Variants in MYO18A observed in about 807,000 individuals in gnomAD.
The protein encoded by MYO18A is myosin XVIIIA, also known as unconventional myosin-XVIIIa.
In MYO18A, 78 loss-of-function variants were observed where a neutral mutation model predicts 235.8. The observed-to-expected ratio is 0.33, with a 90% confidence interval of 0.28 to 0.40. The LOEUF (loss-of-function observed/expected upper bound fraction) is 0.40, where lower values mean the gene tolerates loss of function less well. MYO18A is among the 10% of genes least tolerant of loss of function. MYO18A has a pLI of 1.00. For synonymous variants in MYO18A, 977 were observed against 1,077.8 expected, an observed-to-expected ratio of 0.91 and a Z score of 1.83; for missense variants, 2,215 against 2,699.3, an observed-to-expected ratio of 0.82 and a Z score of 3.98.
At chr17:29,123,094 CAGG>C (rs2067239164) in intron 2 of MYO18A, among the ~76,000 whole-genome samples, 1 of 152,340 alleles carries the variant, frequency 6.6e-6, no homozygotes, top group African/African-American at 2.4e-5. Context: ...CCAGAGGCCT[CAGG>C]AGGTCACCAA....
chr17:29,120,531 G>C lies in MYO18A; in HGVS notation c.1728+85C>G. The stretch of plus-strand genomic sequence containing the variant: ...TGTTAGGGTAGAATCCCAGGAAAAT[G>C]AGGCATGGGAGAGAGCCTGATGTCT... On this transcript the variant is annotated intron_variant, in intron 7 of 41. Transcript: ENST00000527372. The surrounding 1 kb of genome is among the most constrained non-coding windows in gnomAD (Gnocchi z 4.2). The C allele has an allele frequency of 6.7e-7, 1 of 1,488,692 alleles. No individual in the cohort carries two copies. Among genetic ancestry groups the C allele is most frequent in the Non-Finnish European group, 9.0e-7 (1 of 1,105,886 alleles). The allele number at this position is 1,488,692 out of a possible 1,614,324, so 92.2% of individuals were successfully genotyped here. A position where few individuals can be genotyped will look rare whatever the true frequency, so the allele number is the denominator to read the frequency against.
intron 2 of MYO18A, among the ~76,000 whole-genome samples, chr17:29,146,087 G>A (rs984472061): frequency 2.0e-5 from 3 of 151,904 alleles, no homozygotes; most frequent in South Asian, 2.1e-4. Flanking sequence ...GTGAAACCCC[G>A]TCTCTACTAA....
intron 2 of MYO18A, among the ~76,000 whole-genome samples, chr17:29,142,676 G>A (rs1206962706): frequency 6.6e-6 from 1 of 152,206 alleles, no homozygotes; most frequent in Non-Finnish European, 1.5e-5. Flanking sequence ...TGAGAAGCAC[G>A]GCTTGAAAGG....
intron 12 of MYO18A, 98 bp from the exon 13 acceptor site, chr17:29,115,539 G>A: frequency 6.7e-7 from 1 of 1,488,860 alleles, no homozygotes; most frequent in East Asian, 2.4e-5. Flanking sequence ...ACGGGGCCTG[G>A]GGCAGGGCCT....
rs372527342 is a variant in MYO18A, at chr17:29,165,958, C to A, written c.983G>T (p.Arg328Leu). The change falls in exon 2 of 42, where the codon CGC (arginine) becomes CTC (leucine). Residue 328 changes from arginine to leucine, a missense_variant. By Grantham distance (102) the Arg-to-Leu change is moderately radical (BLOSUM62 -2). Transcript: ENST00000527372. ...AGCACTCACATCGGATGGCTCCCTGCGAGGTCCCTCGCCGCTCCGCAGCCA... is the reference window on the plus strand; with the variant it reads ...AGCACTCACATCGGATGGCTCCCTGAGAGGTCCCTCGCCGCTCCGCAGCCA... ...RSWLRSGEGP[R>L]REPSDAKTEE... 1.6e-5 allele frequency: 25 copies of A among 1,612,498 alleles called. No individual in the cohort carries two copies. The highest frequency in any genetic ancestry group is 6.7e-5 in the East Asian group (3 of 44,872).
chr17:29,143,071 G>T (rs2067775813), intron 2 of MYO18A, among the ~76,000 whole-genome samples: 1 of 152,214 alleles, frequency 6.6e-6, no homozygotes, highest in Non-Finnish European at 1.5e-5. Context: ...GCCTCCCAAA[G>T]TGCTGGGATT....
In MYO18A at chr17:29,120,788, G is replaced by C; in HGVS notation, c.1586-30C>G. On this transcript the variant is annotated intron_variant, in intron 6 of 41. Coordinates refer to ENST00000527372, the MANE Select transcript of MYO18A (RefSeq NM_078471.4). This position sits in a 1 kb window ranked among gnomAD's most constrained non-coding sequence, Gnocchi z 4.2. Reference sequence around the variant, plus strand: ...AGAATACAGGCCCAAGGGGATATCAGGAAAGCCAGGGGCAGCTTATCCCCC... The same window carrying C: ...AGAATACAGGCCCAAGGGGATATCACGAAAGCCAGGGGCAGCTTATCCCCC... The C allele has an allele frequency of 6.2e-7, 1 of 1,601,510 alleles. No homozygotes were observed. Among genetic ancestry groups the C allele is most frequent in the African/African-American group, 1.3e-5 (1 of 74,716 alleles).
intron 31 of MYO18A, 109 bp from the exon 32 acceptor site, chr17:29,093,536 A>G (rs2066450883): frequency 1.4e-5 from 11 of 796,446 alleles, no homozygotes; most frequent in Non-Finnish European, 2.3e-5. Flanking sequence ...GGCAGGCCTG[A>G]GCACAATGAT....
At chr17:29,123,873 C>G (rs1157511928) in intron 2 of MYO18A, among the ~76,000 whole-genome samples, 3 of 152,034 alleles carry the variant, frequency 2.0e-5, no homozygotes, top group Non-Finnish European at 4.4e-5. Flanking sequence ...ACAGTGAAAC[C>G]CTGTCTCCAC....
Position 29,166,673 on chromosome 17 carries a change from C to T in MYO18A, c.268G>A (p.Val90Ile), listed in dbSNP as rs564186500. The T allele has an allele frequency of 6.2e-6, 10 of 1,613,708 alleles. No homozygotes were observed. The African/African-American group carries it at 6.7e-5, about 11-fold the overall frequency. Residue 90 changes from valine to isoleucine, a missense_variant, in exon 2 of 42, where the codon GTC (valine) becomes ATC (isoleucine). Val to Ile is a conservative substitution (Grantham distance 29). Transcript: ENST00000527372. ...DIDSDSNRGSVILDSGHLSTA... is the reference protein window; with the variant it reads ...DIDSDSNRGSIILDSGHLSTA... The stretch of plus-strand genomic sequence containing the variant: ...CTTAGGTGGCCCGAGTCCAGGATGA[C>T]GCTGCCCCGGTTACTATCGGAGTCA...
rs2067704449 is a variant in MYO18A at position 29,140,251 on chromosome 17, A to C, written c.1000-17998T>G. ...ACCTACTTCAGCCACATCTGGGGAA[A>C]TCACAAAAAGGTCCCTCCTTTCCTA... On this transcript the variant is annotated intron_variant, in intron 2 of 41. Coordinates refer to ENST00000527372, the MANE Select transcript of MYO18A (RefSeq NM_078471.4). The surrounding 1 kb of genome is among the most constrained non-coding windows in gnomAD (Gnocchi z 4.2). 2.0e-6 allele frequency: 2 copies of C among 982,874 alleles called. No homozygotes were observed. Among genetic ancestry groups the C allele is most frequent in the Non-Finnish European group, 2.6e-6 (2 of 765,188 alleles). The allele number at this position is 982,874 out of a possible 1,614,324, so 60.9% of individuals were successfully genotyped here. A position where few individuals can be genotyped will look rare whatever the true frequency, so the allele number is the denominator to read the frequency against.
At chr17:29,174,073 T>G (rs1041981016) in intron 1 of MYO18A, among the ~76,000 whole-genome samples, 2 of 152,120 alleles carry the variant, frequency 1.3e-5, no homozygotes, top group African/African-American at 4.8e-5. Flanking sequence ...GCACCTGGCA[T>G]ATGAAAATAT....
At chr17:29,119,553 A>AT (rs11349517) in intron 7 of MYO18A, 118 bp from the exon 8 acceptor site, 23,115 of 430,548 alleles carry the variant, frequency 0.054, 200 homozygotes, top group African/African-American at 0.096. Context: ...AAGCAGCTGC[A>AT]TTTTTTTTTT....
At chr17:29,082,227 A>C in intron 41 of MYO18A, 89 bp downstream of exon 41, 1 of 1,534,272 alleles carries the variant, frequency 6.5e-7, no homozygotes, top group South Asian at 1.2e-5. Context: ...CAAGAGACAC[A>C]GGCCTGCCCT....
chr17:29,177,631 GAACTTA>G (rs1039635888), intron 1 of MYO18A, among the ~76,000 whole-genome samples: 16 of 152,258 alleles, frequency 1.1e-4, no homozygotes, highest in Non-Finnish European at 1.5e-4. Flanking sequence ...ACCCAAAGCA[GAACTTA>G]AACTCCATCA....
At chr17:29,091,023 A>G (rs757941240) in intron 34 of MYO18A, 97 bp from the exon 35 acceptor site, 6 of 984,830 alleles carry the variant, frequency 6.1e-6, no homozygotes, top group Non-Finnish European at 9.3e-6. Flanking sequence ...AGAAGATGAT[A>G]ATGGGCTGAG....
At position 29,094,643 on chromosome 17, in the gene MYO18A, C is replaced by T. The variant is rs2066478176; in HGVS notation, c.4710+7G>A. ...CTCACCTCTCCCTTGGCCAAGCCCT[C>T]CTGTACCTGTTCCAGCATCTGGATG... On this transcript the variant is annotated splice_region_variant and intron_variant, in intron 30 of 41. Coordinates refer to ENST00000527372, the MANE Select transcript of MYO18A (RefSeq NM_078471.4). The T allele has an allele frequency of 6.2e-7, 1 of 1,614,064 alleles. No homozygotes were observed. Among genetic ancestry groups the T allele is most frequent in the Non-Finnish European group, 8.5e-7 (1 of 1,179,888 alleles).
At chr17:29,128,291 G>A in intron 2 of MYO18A, 1 of 1,195,822 alleles carries the variant, frequency 8.4e-7, no homozygotes, top group Non-Finnish European at 1.1e-6. Context: ...TCTGCCTGGG[G>A]TCTCCTTGGC....
rs1010154452 is a variant in MYO18A, at chr17:29,098,151, T to G, written c.3944A>C (p.Glu1315Ala). The G allele has an allele frequency of 6.2e-7, 1 of 1,613,904 alleles. No individual in the cohort carries two copies. Among genetic ancestry groups the G allele is most frequent in the African/African-American group, 1.3e-5 (1 of 75,054 alleles). The change falls in exon 25 of 42, where the codon GAG (glutamate) becomes GCG (alanine). Residue 1315 changes from glutamate (E) to alanine (A), a missense_variant. Transcript: ENST00000527372. ...GESASQLLDA[E>A]TAERLRAEKE... is the part of the protein sequence containing the mutation. ...CTCAGCCCGGAGCCTCTCTGCTGTC[T>G]CCGCGTCCAGCAGCTGGGAGGCGGA...
Sources: allele counts gnomAD v4.1 joint callset (sites outside exome capture counted in the v4.1 genomes callset), GRCh38; gene constraint gnomAD v4.1.1; non-coding constraint Gnocchi (gnomAD v3.1); transcripts MANE v1.5; gene names NCBI Gene and HGNC (gene_info 2026-07-23, HGNC 2026-07-21).